NPM2: variants seen among roughly 807,000 people sequenced by gnomAD.
NPM2 encodes nucleoplasmin-2.
In NPM2, 25 loss-of-function variants were observed where a neutral mutation model predicts 32.0. The observed-to-expected ratio is 0.78, with a 90% CI of 0.57 to 1.09. NPM2 has a LOEUF of 1.09. Among genes scored for constraint, NPM2 ranks in the 50% least tolerant of loss-of-function variants. NPM2 has a pLI of 0.00. For missense variants in NPM2, 282 were observed against 259.9 expected, an observed-to-expected ratio of 1.08 and a Z score of -0.58; for synonymous variants, 111 against 94.2, an observed-to-expected ratio of 1.18 and a Z score of -1.04.
chr8:22,026,468 T>C (rs2095297161), intron 5 of NPM2, among the ~76,000 whole-genome samples: 1 of 150,094 alleles, frequency 6.7e-6, no homozygotes, highest in African/African-American at 2.5e-5. Flanking sequence ...TTTTTTTTTT[T>C]TTTTGAGATG....
chr8:22,029,281 TTACA>T (rs1800357066), intron 5 of NPM2, among the ~76,000 whole-genome samples: 1 of 152,088 alleles, frequency 6.6e-6, no homozygotes, highest in African/African-American at 2.4e-5. Context: ...GTAGCTGGGA[TTACA>T]GGTATGCACC....
intron 5 of NPM2, 164 bp from the exon 6 acceptor site, chr8:22,032,966 T>A (rs146744470): frequency 0.032 from 19,453 of 605,416 alleles, 441 homozygotes; most frequent in Non-Finnish European, 0.042. Flanking sequence ...TTAGCAAGAA[T>A]GGGATTACCA....
Position 22,025,757 on chromosome 8 carries a change from C to T in NPM2, c.255C>T (p.Ala85=). ...CGGTCACCATTGCCTCACTCCAGGC[C>T]TCAGTCCTCCCCATGGTGCGCATTT... The part of the protein sequence containing the change: ...MQPVTIASLQ[A]SVLPMVSMVG... The change falls in exon 5 of 10, where the codon GCC becomes GCT. Residue 85 remains alanine, a synonymous_variant. Transcript: ENST00000518119. 6.2e-7 allele frequency: 1 copy of T among 1,614,112 alleles called. No individual in the cohort carries two copies. The highest frequency in any genetic ancestry group is 8.5e-7 in the Non-Finnish European group (1 of 1,180,002).
intron 5 of NPM2, among the ~76,000 whole-genome samples, chr8:22,026,648 T>C (rs1043155806): frequency 6.6e-6 from 1 of 152,126 alleles, no homozygotes; most frequent in Admixed American, 6.5e-5. Flanking sequence ...AGAGACAGGG[T>C]TTCACAATGT....
chr8:22,028,240 G>A (rs1488600473), intron 5 of NPM2, among the ~76,000 whole-genome samples: 2 of 151,564 alleles, frequency 1.3e-5, no homozygotes, highest in African/African-American at 4.8e-5. Context: ...GCAGATTTGA[G>A]TAGTCTCCAT....
At chr8:22,029,387 T>C (rs1039796388) in intron 5 of NPM2, among the ~76,000 whole-genome samples, 1 of 152,132 alleles carries the variant, frequency 6.6e-6, no homozygotes, top group Non-Finnish European at 1.5e-5. Context: ...CAGGTGATCC[T>C]CCTGCCTTGG....
chr8:22,036,576 G>T (rs762970565), intron 9 of NPM2, 50 bp downstream of exon 9: 1 of 1,565,384 alleles, frequency 6.4e-7, no homozygotes, highest in South Asian at 1.2e-5. Flanking sequence ...AGTATTCTCT[G>T]GAGGGGGCTG....
At position 22,033,126 on chromosome 8, in the gene NPM2, G is replaced by A; in HGVS notation, c.271-4G>A. On this transcript the variant is annotated splice_polypyrimidine_tract_variant and splice_region_variant and intron_variant, in intron 5 of 9. Coordinates refer to ENST00000518119, the MANE Select transcript of NPM2 (RefSeq NM_001286680.2). ...CCTGTCTTCTCTGCTTCCTCCCCCTGCAGGTCTCCATGGTAGGAGTGCAGC... is the reference window on the plus strand; with the variant it reads ...CCTGTCTTCTCTGCTTCCTCCCCCTACAGGTCTCCATGGTAGGAGTGCAGC... 5.6e-6 allele frequency: 9 copies of A among 1,613,098 alleles called. No homozygotes were observed. The highest frequency in any genetic ancestry group is 6.8e-6 in the Non-Finnish European group (8 of 1,179,122).
At chr8:22,031,406 G>C (rs1800435079) in intron 5 of NPM2, among the ~76,000 whole-genome samples, 1 of 152,140 alleles carries the variant, frequency 6.6e-6, no homozygotes. Context: ...CTCCTTGCCT[G>C]AGCCCAAGGC....
chr8:22,035,563 T>TGC (rs1800591684), intron 8 of NPM2, among the ~76,000 whole-genome samples: 1 of 152,252 alleles, frequency 6.6e-6, no homozygotes, highest in African/African-American at 2.4e-5. Context: ...TGTGAGCCTC[T>TGC]GCACCTGATA....
intron 5 of NPM2, 113 bp from the exon 6 acceptor site, chr8:22,033,017 A>C (rs1316894104): frequency 1.3e-5 from 10 of 758,394 alleles, no homozygotes; most frequent in Non-Finnish European, 2.1e-5. Context: ...GCAGGGGCTG[A>C]GTAGTGTGTA....
intron 5 of NPM2, among the ~76,000 whole-genome samples, chr8:22,026,746 C>T (rs1448822205): frequency 1.3e-5 from 2 of 152,254 alleles, no homozygotes; most frequent in South Asian, 2.1e-4. Context: ...TGAGTCACCA[C>T]GCCAGGTCTT....
chr8:22,033,310 G>T (rs1245272992), intron 6 of NPM2, 87 bp downstream of exon 6: 2 of 1,050,124 alleles, frequency 1.9e-6, no homozygotes, highest in Non-Finnish European at 3.0e-6. Flanking sequence ...ACACTGGAGG[G>T]ATTCTTGAAT....
chr8:22,035,672 G>A (rs1250344869), intron 8 of NPM2, among the ~76,000 whole-genome samples: 4 of 152,096 alleles, frequency 2.6e-5, no homozygotes, highest in South Asian at 2.1e-4. Flanking sequence ...GGTGGCTCAC[G>A]CCTGTAATCC....
At chr8:22,036,319 C>A in intron 8 of NPM2, 174 bp from the exon 9 acceptor site, 1 of 588,010 alleles carries the variant, frequency 1.7e-6, no homozygotes, top group South Asian at 2.2e-5. Flanking sequence ...AACACATATG[C>A]GTATGCATGC....
chr8:22,033,124 C>A lies in NPM2; in HGVS notation c.271-6C>A. 1 of 1,612,940 alleles carries A rather than the reference C, an allele frequency of 6.2e-7. No homozygotes were observed. The highest frequency in any genetic ancestry group is 2.2e-5 in the East Asian group (1 of 44,858). ...GCCCTGTCTTCTCTGCTTCCTCCCC[C>A]TGCAGGTCTCCATGGTAGGAGTGCA... On this transcript the variant is annotated splice_polypyrimidine_tract_variant and splice_region_variant and intron_variant, in intron 5 of 9. Coordinates refer to ENST00000518119, the MANE Select transcript of NPM2 (RefSeq NM_001286680.2).
Position 22,033,008 on chromosome 8 carries a change from C to A in NPM2, c.271-122C>A, listed in dbSNP as rs1221671840. ...AATTCTTGGACAGAATCCACCTCAG[C>A]AGGGGCTGAGTAGTGTGTAGGGTTT... is the stretch of plus-strand genomic sequence containing the variant. On this transcript the variant is annotated intron_variant, in intron 5 of 9. Coordinates refer to ENST00000518119, the MANE Select transcript of NPM2 (RefSeq NM_001286680.2). The A allele has an allele frequency of 1.4e-5, 10 of 716,150 alleles. No individual in the cohort carries two copies. The Admixed American group carries it at 1.9e-4, about 13-fold the overall frequency. 44.4% of individuals were successfully genotyped at this position (716,150 alleles called of 1,614,324 possible).
intron 8 of NPM2, 85 bp from the exon 9 acceptor site, chr8:22,036,408 C>T: frequency 1.4e-6 from 2 of 1,389,176 alleles, no homozygotes; most frequent in Non-Finnish European, 2.0e-6. Flanking sequence ...CCAGGGTGGG[C>T]ACTGGGAGGG....
rs567639145 is a variant in NPM2, at chr8:22,025,713, G to A, written c.211G>A (p.Glu71Lys). ...GGAGATCCTGCCCCCAGCAAACCAG[G>A]AGGACAAGAAGATGCAGCCGGTCAC... Reference protein sequence around the residue: ...RVEILPPANQEDKKMQPVTIA... With the variant: ...RVEILPPANQKDKKMQPVTIA... Residue 71 changes from glutamate to lysine, a missense_variant, in exon 5 of 10, where the codon GAG (glutamate) becomes AAG (lysine). Coordinates refer to ENST00000518119, the MANE Select transcript of NPM2 (RefSeq NM_001286680.2). The A allele has an allele frequency of 6.2e-7, 1 of 1,614,062 alleles. No individual in the cohort carries two copies. Among genetic ancestry groups the A allele is most frequent in the African/African-American group, 1.3e-5 (1 of 75,028 alleles).
Sources: allele counts gnomAD v4.1 joint callset (sites outside exome capture counted in the v4.1 genomes callset), GRCh38; gene constraint gnomAD v4.1.1; transcripts MANE v1.5; gene names NCBI Gene and HGNC (gene_info 2026-07-23, HGNC 2026-07-21).